NRXN3: variants seen among roughly 807,000 people sequenced by gnomAD.
NRXN3 encodes the protein neurexin 3, also known as neurexin III.
A neutral mutation model predicts 137.6 loss-of-function variants in NRXN3; 32 were observed. The observed-to-expected ratio is 0.23, with a 90% CI of 0.18 to 0.31. The LOEUF is 0.31. Among genes scored for constraint, NRXN3 ranks in the 10% least tolerant of loss-of-function variants. The probability of loss-of-function intolerance (pLI) is 1.00; values close to 1 mark genes in which losing one functional copy is unlikely to be tolerated. For missense variants in NRXN3, 1,574 were observed against 2,062.5 expected, an observed-to-expected ratio of 0.76 and a Z score of 4.59; for synonymous variants, 798 against 784.5, an observed-to-expected ratio of 1.02 and a Z score of -0.29.
chr14:79,612,067 GGTCT>G (rs1212992292), intron 16 of NRXN3, among the ~76,000 whole-genome samples: 5 of 152,060 alleles, frequency 3.3e-5, no homozygotes, highest in African/African-American at 1.2e-4. Flanking sequence ...CTATTATTGG[GGTCT>G]GTCTAAATCC....
intron 4 of NRXN3, among the ~76,000 whole-genome samples, chr14:78,499,099 T>C (rs550535617): frequency 3.9e-5 from 6 of 152,290 alleles, no homozygotes; most frequent in Admixed American, 3.9e-4. Context: ...TGGCTCATAA[T>C]AAGCATTCAG....
At chr14:78,285,650 A>C (rs1009161090) in intron 3 of NRXN3, among the ~76,000 whole-genome samples, 2 of 152,232 alleles carry the variant, frequency 1.3e-5, no homozygotes, top group Non-Finnish European at 2.9e-5. Context: ...CATTGCAGGC[A>C]CAGAAAAACA....
intron 4 of NRXN3, among the ~76,000 whole-genome samples, chr14:78,376,460 C>G (rs2087862939): frequency 6.6e-6 from 1 of 152,150 alleles, no homozygotes; most frequent in Non-Finnish European, 1.5e-5. Flanking sequence ...ATTGGATAGA[C>G]ATATTGGTCC....
chr14:79,351,627 C>A (rs985989383), intron 15 of NRXN3, among the ~76,000 whole-genome samples: 1 of 152,146 alleles, frequency 6.6e-6, no homozygotes, highest in South Asian at 2.1e-4. Context: ...ATATTATATA[C>A]ACAAGTAGCA....
chr14:79,855,703 TGTAA>T (rs1408773132), intron 20 of NRXN3, among the ~76,000 whole-genome samples: 4 of 152,200 alleles, frequency 2.6e-5, no homozygotes, highest in African/African-American at 9.6e-5. Context: ...AAAGTGATTA[TGTAA>T]GTGTTTATAG....
At chr14:79,001,157 G>GA (rs2099540631) in intron 15 of NRXN3, among the ~76,000 whole-genome samples, 2 of 152,132 alleles carry the variant, frequency 1.3e-5, no homozygotes, top group East Asian at 3.9e-4. Flanking sequence ...GGGAAGCCAG[G>GA]AAGGAGTAAG....
chr14:79,591,927 GT>G (rs2097807567), intron 16 of NRXN3, among the ~76,000 whole-genome samples: 1 of 135,152 alleles, frequency 7.4e-6, no homozygotes, highest in Non-Finnish European at 1.6e-5. Context: ...ATTTATTGAG[GT>G]ATAACTTACA....
chr14:78,418,594 C>T (rs979627765), intron 4 of NRXN3, among the ~76,000 whole-genome samples: 1 of 152,138 alleles, frequency 6.6e-6, no homozygotes, highest in Non-Finnish European at 1.5e-5. Flanking sequence ...CAGAGTGTGC[C>T]TTACAAGGAA....
At chr14:79,656,616 CTTT>C (rs58620442) in intron 16 of NRXN3, among the ~76,000 whole-genome samples, 19 of 137,798 alleles carry the variant, frequency 1.4e-4, no homozygotes, top group East Asian at 2.1e-4. Context: ...CTCTCTCTCT[CTTT>C]TTTTTTTTTT....
chr14:79,066,396 G>A (rs549844336), intron 15 of NRXN3, among the ~76,000 whole-genome samples: 1 of 152,188 alleles, frequency 6.6e-6, no homozygotes, highest in East Asian at 1.9e-4. Context: ...CTGTAGCCTT[G>A]TAGAATAGTT....
chr14:78,424,834 G>A (rs1195344409), intron 4 of NRXN3, among the ~76,000 whole-genome samples: 1 of 152,148 alleles, frequency 6.6e-6, no homozygotes, highest in Non-Finnish European at 1.5e-5. Context: ...GAGAAACTGA[G>A]GCACAGAGAA....
At chr14:79,579,723 T>C (rs2097697592) in intron 16 of NRXN3, among the ~76,000 whole-genome samples, 2 of 152,294 alleles carry the variant, frequency 1.3e-5, no homozygotes, top group African/African-American at 4.8e-5. Context: ...TTTTGTTGCA[T>C]GCATAACGTG....
chr14:79,007,364 A>G (rs2099555130), intron 15 of NRXN3, among the ~76,000 whole-genome samples: 1 of 151,994 alleles, frequency 6.6e-6, no homozygotes, highest in African/African-American at 2.4e-5. Context: ...GTCAACTTTT[A>G]GTATTGAAGA....
chr14:78,296,363 G>A (rs1242558932), intron 3 of NRXN3, among the ~76,000 whole-genome samples: 2 of 152,278 alleles, frequency 1.3e-5, no homozygotes. Context: ...ACTCTTGTGA[G>A]CGTCACCTAC....
chr14:78,731,101 G>A (rs886514228), intron 8 of NRXN3, among the ~76,000 whole-genome samples: 2 of 151,998 alleles, frequency 1.3e-5, no homozygotes, highest in African/African-American at 4.8e-5. Flanking sequence ...TGGAGAACAT[G>A]GTTGACCCAT....
chr14:79,680,899 TAACTC>T (rs1350653926), intron 17 of NRXN3, among the ~76,000 whole-genome samples: 1 of 152,122 alleles, frequency 6.6e-6, no homozygotes, highest in Non-Finnish European at 1.5e-5. Context: ...GGGAGCTACT[TAACTC>T]TACTCATTAT....
At position 79,111,743 on chromosome 14, in the gene NRXN3, A is replaced by T. The variant is rs79919753; in HGVS notation, c.3262+123602A>T. The stretch of plus-strand genomic sequence containing the variant: ...ATAGAGAGACTCCATCTCAAAAAAA[A>T]AAAAAAAAGTTTATTAGCAAGTATA... On this transcript the variant is annotated intron_variant, in intron 15 of 20. Coordinates refer to ENST00000335750, the MANE Select transcript of NRXN3 (RefSeq NM_001330195.2). 3.4e-3 allele frequency among the ~76,000 whole-genome samples: 524 copies of T among 152,142 alleles called. 11 individuals carry two copies. The East Asian group carries it at 0.041, about 12-fold the overall frequency.
At chr14:79,820,442 ACAGCCAGATTTAGTACTAC>A (rs1028884742) in intron 20 of NRXN3, among the ~76,000 whole-genome samples, 1 of 152,198 alleles carries the variant, frequency 6.6e-6, no homozygotes, top group Non-Finnish European at 1.5e-5. Context: ...ATACAGGTTC[ACAGCCAGATTTAGTACTAC>A]CAGCCAGATT....
chr14:79,294,241 A>G (rs748770148), intron 15 of NRXN3, among the ~76,000 whole-genome samples: 3 of 152,180 alleles, frequency 2.0e-5, no homozygotes, highest in Non-Finnish European at 2.9e-5. Context: ...CTTGTTCTGT[A>G]TTTTAAATCA....
Sources: allele counts gnomAD v4.1 joint callset (sites outside exome capture counted in the v4.1 genomes callset), GRCh38; gene constraint gnomAD v4.1.1; transcripts MANE v1.5; gene names NCBI Gene and HGNC (gene_info 2026-07-23, HGNC 2026-07-21).